MAPK10: variants seen among roughly 807,000 people sequenced by gnomAD.
MAPK10 encodes JNK3 alpha protein kinase.
A neutral mutation model predicts 59.3 loss-of-function variants in MAPK10; 25 were observed. The ratio of observed to expected loss-of-function variants is 0.42; its 90% CI spans 0.31 to 0.59. The LOEUF is 0.59. Ranked by LOEUF, MAPK10 falls within the 20% of genes least tolerant of loss-of-function variation. MAPK10 has a pLI of 0.15. For missense variants in MAPK10, 351 were observed against 568.9 expected (o/e 0.62, Z 3.90); for synonymous variants, 190 against 200.5 (o/e 0.95, Z 0.44).
chr4:86,372,564 G>GAAAGAAAGAAAGAGAAAAGAAAAGA, intron 1 of MAPK10, among the ~76,000 whole-genome samples: 3 of 78,690 alleles, frequency 3.8e-5, no homozygotes, highest in Non-Finnish European at 5.5e-5. Context: ...AAGAAAGAAA[G>GAAAGAAAGAAAGAGAAAAGAAAAGA]AAAGAAAAGA....
At chr4:86,040,470 T>C (rs775028252) in intron 11 of MAPK10, among the ~76,000 whole-genome samples, 3 of 151,872 alleles carry the variant, frequency 2.0e-5, no homozygotes, top group Non-Finnish European at 4.4e-5. Flanking sequence ...TGAAAACAAA[T>C]AGAGAAAGTT....
intron 2 of MAPK10, among the ~76,000 whole-genome samples, chr4:86,202,010 A>G (rs1206814010): frequency 6.6e-6 from 1 of 151,942 alleles, no homozygotes; most frequent in African/African-American, 2.4e-5. Flanking sequence ...ACCTCATAAA[A>G]CATTGCTATT....
At chr4:86,240,558 G>T (rs891082745) in intron 2 of MAPK10, among the ~76,000 whole-genome samples, 3 of 152,114 alleles carry the variant, frequency 2.0e-5, no homozygotes, top group African/African-American at 7.2e-5. Context: ...AGAATAGTTA[G>T]CTCCTCTTAA....
At chr4:86,583,916 T>C (rs1315863455) in intron 1 of MAPK10, among the ~76,000 whole-genome samples, 1 of 152,168 alleles carries the variant, frequency 6.6e-6, no homozygotes, top group Non-Finnish European at 1.5e-5. Context: ...GTCTAGCTAT[T>C]TGCTGAAAGA....
chr4:86,427,903 T>G (rs1747513861), intron 1 of MAPK10, among the ~76,000 whole-genome samples: 1 of 152,228 alleles, frequency 6.6e-6, no homozygotes, highest in Non-Finnish European at 1.5e-5. Flanking sequence ...TCTTGAAAAC[T>G]ACTGTTTTCT....
At chr4:86,446,702 T>C (rs1750091607) in intron 1 of MAPK10, among the ~76,000 whole-genome samples, 1 of 152,196 alleles carries the variant, frequency 6.6e-6, no homozygotes, top group Admixed American at 6.5e-5. Flanking sequence ...CTTGATATGA[T>C]ATTTGCTATT....
At chr4:86,269,148 C>T (rs937472111) in intron 2 of MAPK10, among the ~76,000 whole-genome samples, 7 of 152,060 alleles carry the variant, frequency 4.6e-5, no homozygotes, top group South Asian at 4.1e-4. Flanking sequence ...AGTAAATAAA[C>T]GATTGCCTGC....
intron 1 of MAPK10, among the ~76,000 whole-genome samples, chr4:86,407,632 C>G (rs1261469743): frequency 6.6e-6 from 1 of 151,990 alleles, no homozygotes; most frequent in Non-Finnish European, 1.5e-5. Context: ...AGATCCCAGT[C>G]TGAGCACATA....
intron 13 of MAPK10, chr4:86,023,985 A>G (rs1190481500): frequency 6.6e-6 from 1 of 151,646 alleles, no homozygotes; most frequent in Non-Finnish European, 1.5e-5. Flanking sequence ...AACTTTAAAA[A>G]GTTTTAAAAT....
intron 2 of MAPK10, among the ~76,000 whole-genome samples, chr4:86,279,584 A>G (rs927678476): frequency 1.3e-5 from 2 of 152,192 alleles, no homozygotes. Flanking sequence ...CAGAAACACC[A>G]GAATAGTTGA....
intron 1 of MAPK10, among the ~76,000 whole-genome samples, chr4:86,388,288 ATT>A (rs1285980809): frequency 2.6e-5 from 4 of 152,094 alleles, no homozygotes; most frequent in Admixed American, 2.6e-4. Flanking sequence ...GGCATTATAT[ATT>A]ACTTATCGTT....
intron 4 of MAPK10, chr4:86,123,574 C>T (rs1337300337): frequency 2.0e-5 from 3 of 152,074 alleles, no homozygotes; most frequent in South Asian, 2.1e-4. Flanking sequence ...AGTGACATAA[C>T]CAAGTGTCAG....
At chr4:86,481,102 T>C (rs1363278504) in intron 1 of MAPK10, among the ~76,000 whole-genome samples, 1 of 152,218 alleles carries the variant, frequency 6.6e-6, no homozygotes, top group East Asian at 1.9e-4. Context: ...AGAATTTCTA[T>C]ATTGCAAATT....
chr4:86,206,498 A>G (rs1300006851), intron 2 of MAPK10, among the ~76,000 whole-genome samples: 2 of 152,076 alleles, frequency 1.3e-5, no homozygotes, highest in Non-Finnish European at 1.5e-5. Flanking sequence ...TAGTGCTGCA[A>G]TAAACATACG....
chr4:86,271,977 G>A (rs1432257553), intron 2 of MAPK10, among the ~76,000 whole-genome samples: 1 of 151,730 alleles, frequency 6.6e-6, no homozygotes, highest in Non-Finnish European at 1.5e-5. Flanking sequence ...TTCAACCCTT[G>A]CCCCCTTCTC....
intron 2 of MAPK10, among the ~76,000 whole-genome samples, chr4:86,226,126 G>C (rs536956529): frequency 6.6e-6 from 1 of 152,262 alleles, no homozygotes; most frequent in South Asian, 2.1e-4. Flanking sequence ...GCTTTTCCTT[G>C]CATAGGGATT....
intron 1 of MAPK10, among the ~76,000 whole-genome samples, chr4:86,393,943 C>T (rs762973716): frequency 4.6e-5 from 7 of 152,112 alleles, no homozygotes; most frequent in Non-Finnish European, 1.0e-4. Flanking sequence ...AACACTTAAA[C>T]ACATTGGTGA....
At chr4:86,124,448 A>G (rs1012208599) in intron 4 of MAPK10, 3 of 151,770 alleles carry the variant, frequency 2.0e-5, no homozygotes, top group African/African-American at 7.3e-5. Context: ...CTTTTTATAC[A>G]TAAGTCCTCT....
intron 3 of MAPK10, among the ~76,000 whole-genome samples, chr4:86,168,649 A>G (rs990867650): frequency 1.3e-5 from 2 of 152,062 alleles, no homozygotes; most frequent in Admixed American, 1.3e-4. Flanking sequence ...AGACAAACAA[A>G]AAGACAGCAG....
Sources: allele counts gnomAD v4.1 joint callset (sites outside exome capture counted in the v4.1 genomes callset), GRCh38; gene constraint gnomAD v4.1.1; transcripts MANE v1.5; gene names NCBI Gene and HGNC (gene_info 2026-07-23, HGNC 2026-07-21).